SGCZ: variants seen among roughly 807,000 people sequenced by gnomAD.
SGCZ encodes zeta-sarcoglycan.
In SGCZ, 40 loss-of-function variants were observed where a neutral mutation model predicts 41.3. The observed-to-expected ratio is 0.97, with a 90% CI of 0.75 to 1.26. The LOEUF (loss-of-function observed/expected upper bound fraction) is 1.26, where lower values mean the gene tolerates loss of function less well. Among genes scored for constraint, SGCZ ranks in the 50% most tolerant of loss-of-function variants. The pLI is 0.00. For synonymous variants in SGCZ, 206 were observed against 137.5 expected, an observed-to-expected ratio of 1.50 and a Z score of -3.49; for missense variants, 552 against 369.8, an observed-to-expected ratio of 1.49 and a Z score of -4.04.
At chr8:14,961,134 C>G (rs1242874607) in intron 1 of SGCZ, among the ~76,000 whole-genome samples, 1 of 152,172 alleles carries the variant, frequency 6.6e-6, no homozygotes, top group Admixed American at 6.6e-5. Context: ...TGAATTGTAT[C>G]TTTTAGCCTA....
intron 2 of SGCZ, among the ~76,000 whole-genome samples, chr8:14,349,491 G>A (rs530225338): frequency 0.025 from 1,664 of 67,468 alleles, 24 homozygotes; most frequent in Middle Eastern, 0.064. Flanking sequence ...TGGAATTTTC[G>A]TAAGCAATAA....
chr8:14,697,587 C>G lies in SGCZ; in HGVS notation c.40-142661G>C, dbSNP rs551875823. On this transcript the variant is annotated intron_variant, in intron 1 of 7. Transcript: ENST00000382080. ...AATTCAATAATTAGCTCATGTCTTTCCTTTCACTTTGTCTCAGGCATAGTG... is the reference window on the plus strand; with the variant it reads ...AATTCAATAATTAGCTCATGTCTTTGCTTTCACTTTGTCTCAGGCATAGTG... Among the ~76,000 whole-genome samples, 3 of 152,024 alleles carry G rather than the reference C, an allele frequency of 2.0e-5. No homozygotes were observed. In the East Asian group the frequency reaches 5.8e-4, roughly 29 times the overall value.
intron 1 of SGCZ, among the ~76,000 whole-genome samples, chr8:14,647,729 G>C (rs1181706529): frequency 6.6e-6 from 1 of 151,928 alleles, no homozygotes; most frequent in African/African-American, 2.4e-5. Flanking sequence ...AAGTAAATAT[G>C]TATGTTAATA....
intron 1 of SGCZ, among the ~76,000 whole-genome samples, chr8:15,063,232 T>TA (rs1437994258): frequency 1.3e-5 from 2 of 152,138 alleles, no homozygotes; most frequent in Non-Finnish European, 2.9e-5. Context: ...TTGACTATAG[T>TA]ATATTAACAA....
chr8:14,704,362 T>C lies in SGCZ; in HGVS notation c.40-149436A>G, dbSNP rs114554766. On this transcript the variant is annotated intron_variant, in intron 1 of 7. Transcript: ENST00000382080. ...TCATTTTTTTGAAATTATAACTAAC[T>C]CACACATGTATGTTCACTTAATAAT... 8.5e-3 allele frequency among the ~76,000 whole-genome samples: 1,300 copies of C among 152,164 alleles called. 17 individuals carry two copies. The highest frequency in any genetic ancestry group is 0.031 in the Middle Eastern group (9 of 294).
intron 4 of SGCZ, among the ~76,000 whole-genome samples, chr8:14,178,908 C>G (rs902145958): frequency 3.0e-4 from 45 of 152,026 alleles, no homozygotes; most frequent in African/African-American, 1.0e-3. Flanking sequence ...AAAAGGGTTA[C>G]GACATGAGGC....
chr8:14,270,614 G>A (rs1368941197), intron 3 of SGCZ, among the ~76,000 whole-genome samples: 1 of 152,094 alleles, frequency 6.6e-6, no homozygotes, highest in Non-Finnish European at 1.5e-5. Flanking sequence ...ATTGGGTTGT[G>A]TGAAGCCTAT....
chr8:14,396,813 G>C (rs901317438), intron 2 of SGCZ, among the ~76,000 whole-genome samples: 1 of 151,720 alleles, frequency 6.6e-6, no homozygotes, highest in African/African-American at 2.4e-5. Flanking sequence ...CCTATGCCCA[G>C]GTTAAGTCAC....
At chr8:14,553,156 A>C (rs1018594113) in intron 2 of SGCZ, among the ~76,000 whole-genome samples, 3 of 152,096 alleles carry the variant, frequency 2.0e-5, no homozygotes, top group Admixed American at 6.6e-5. Flanking sequence ...ACACCCAGAC[A>C]GTAGTCAGAG....
At chr8:14,695,717 C>T (rs185490980) in intron 1 of SGCZ, among the ~76,000 whole-genome samples, 1 of 147,440 alleles carries the variant, frequency 6.8e-6, no homozygotes, top group Non-Finnish European at 1.5e-5. Flanking sequence ...ACACACAAAC[C>T]AACAATATAC....
At chr8:14,136,367 T>A (rs770441232) in intron 5 of SGCZ, among the ~76,000 whole-genome samples, 13 of 152,120 alleles carry the variant, frequency 8.5e-5, no homozygotes, top group South Asian at 2.1e-4. Context: ...CACAGGAAGC[T>A]CAAGGGGTCA....
chr8:14,242,539 T>A, intron 3 of SGCZ, among the ~76,000 whole-genome samples: 1 of 152,192 alleles, frequency 6.6e-6, no homozygotes, highest in East Asian at 1.9e-4. Flanking sequence ...ATAATTTATG[T>A]GCTTGTTATA....
At chr8:14,713,621 T>A (rs900377801) in intron 1 of SGCZ, among the ~76,000 whole-genome samples, 1 of 143,468 alleles carries the variant, frequency 7.0e-6, no homozygotes, top group Non-Finnish European at 1.5e-5. Context: ...CTTTGGAAAA[T>A]AGAATTGATC....
intron 6 of SGCZ, among the ~76,000 whole-genome samples, chr8:14,107,939 G>T (rs576556466): frequency 6.6e-6 from 1 of 151,996 alleles, no homozygotes; most frequent in Non-Finnish European, 1.5e-5. Context: ...CACCGTGCCC[G>T]GCCTCAGGAT....
chr8:14,777,425 C>T (rs1800440361), intron 1 of SGCZ, among the ~76,000 whole-genome samples: 1 of 152,142 alleles, frequency 6.6e-6, no homozygotes, highest in Admixed American at 6.6e-5. Context: ...ATGATTAACG[C>T]AAACGAACAA....
At chr8:14,767,895 T>G (rs1215756636) in intron 1 of SGCZ, among the ~76,000 whole-genome samples, 1 of 152,192 alleles carries the variant, frequency 6.6e-6, no homozygotes, top group East Asian at 1.9e-4. Flanking sequence ...ACATAGACCC[T>G]TGGTTTGCTA....
At chr8:14,201,354 C>A (rs193096781) in intron 4 of SGCZ, among the ~76,000 whole-genome samples, 2 of 152,058 alleles carry the variant, frequency 1.3e-5, no homozygotes, top group East Asian at 1.9e-4. Flanking sequence ...CAAGAATCAC[C>A]AAAAAAGACT....
intron 3 of SGCZ, among the ~76,000 whole-genome samples, chr8:14,300,761 G>A (rs556846608): frequency 2.0e-5 from 3 of 151,978 alleles, no homozygotes; most frequent in South Asian, 2.1e-4. Context: ...TTAGCCATAC[G>A]TATGTCTTCT....
chr8:14,772,427 T>C (rs1171553904), intron 1 of SGCZ, among the ~76,000 whole-genome samples: 1 of 130,488 alleles, frequency 7.7e-6, no homozygotes, highest in Non-Finnish European at 1.6e-5. Flanking sequence ...TTAGTATTTC[T>C]TTTTTTTTTC....
Sources: gnomAD v4.1 joint callset for allele counts (sites outside exome capture counted in the v4.1 genomes callset) on GRCh38, gnomAD v4.1.1 for gene constraint, MANE v1.5 for transcripts, NCBI Gene and HGNC (gene_info 2026-07-23, HGNC 2026-07-21) for gene names.